PCDH15: variants seen among roughly 807,000 people sequenced by gnomAD.
The protein encoded by PCDH15 is protocadherin related 15.
In PCDH15, 129 loss-of-function variants were observed where a neutral mutation model predicts 178.5. The observed-to-expected ratio is 0.72, with a 90% CI of 0.63 to 0.84. The LOEUF is 0.84. Ranked by LOEUF, PCDH15 falls within the 40% of genes least tolerant of loss-of-function variation. The probability of loss-of-function intolerance (pLI) is 0.00; values close to 1 mark genes in which losing one functional copy is unlikely to be tolerated. For missense variants in PCDH15, 2,230 were observed against 2,099.9 expected (o/e 1.06, Z -1.21); for synonymous variants, 800 against 732.0 (o/e 1.09, Z -1.50).
At chr10:55,169,582 G>C (rs1376355756) in intron 1 of PCDH15, among the ~76,000 whole-genome samples, 18 of 151,982 alleles carry the variant, frequency 1.2e-4, no homozygotes, top group Non-Finnish European at 2.6e-4. Context: ...TTTATAAAAG[G>C]CAGTTTCAGT....
chr10:55,445,428 G>A (rs1839294097), intron 2 of PCDH15, among the ~76,000 whole-genome samples: 1 of 152,056 alleles, frequency 6.6e-6, no homozygotes, highest in African/African-American at 2.4e-5. Flanking sequence ...TCTGACTTCT[G>A]AGACACGGGA....
rs892840690 is a variant in PCDH15 at position 54,589,646 on chromosome 10, T to C, written c.92-61769A>G. 3.3e-5 allele frequency among the ~76,000 whole-genome samples: 5 copies of C among 152,188 alleles called. No homozygotes were observed. The South Asian group carries it at 1.0e-3, about 31-fold the overall frequency. ...AGATTACCAAACAGTGTCTGTCATA[T>C]AGCAACCATTCTTTTTTTATTTTTT... On this transcript the variant is annotated intron_variant, in intron 2 of 37. Coordinates refer to ENST00000644397, the MANE Select transcript of PCDH15 (RefSeq NM_001384140.1).
At position 54,369,194 on chromosome 10, in the gene PCDH15, G is replaced by C. The variant is rs137853003; in HGVS notation, c.400C>G (p.Arg134Gly). The change falls in exon 5 of 38, where the codon CGA becomes GGA. Residue 134 changes from arginine to glycine, a missense_variant. Transcript: ENST00000644397. ...TCATTCCTGTCTCTCACCACTATTC[G>C]CACTTCATGGTAGATAATAGTGCCC... ...KVGTIIYHEV[R>G]IVVRDRNDNS... The C allele has an allele frequency of 6.2e-7, 1 of 1,612,862 alleles. No homozygotes were observed. Among genetic ancestry groups the C allele is most frequent in the South Asian group, 1.1e-5 (1 of 91,050 alleles).
At chr10:55,427,598 T>G (rs1056144171) in intron 2 of PCDH15, among the ~76,000 whole-genome samples, 1 of 152,194 alleles carries the variant, frequency 6.6e-6, no homozygotes, top group African/African-American at 2.4e-5. Flanking sequence ...TTTTGTGTAC[T>G]AGTTTGCACA....
At chr10:54,149,419 G>A (rs776461862) in intron 14 of PCDH15, among the ~76,000 whole-genome samples, 4 of 152,072 alleles carry the variant, frequency 2.6e-5, no homozygotes, top group Non-Finnish European at 5.9e-5. Flanking sequence ...TGAGGCCATT[G>A]AGAAATCTGA....
intron 14 of PCDH15, among the ~76,000 whole-genome samples, chr10:54,141,738 T>C (rs1165627733): frequency 6.6e-6 from 1 of 152,198 alleles, no homozygotes; most frequent in Non-Finnish European, 1.5e-5. Context: ...TCCATTTATC[T>C]CTGATGGGCA....
At chr10:55,293,535 A>C (rs555229264) in intron 1 of PCDH15, among the ~76,000 whole-genome samples, 1 of 152,302 alleles carries the variant, frequency 6.6e-6, no homozygotes, top group African/African-American at 2.4e-5. Flanking sequence ...CTTCCCTTAT[A>C]AAACTGAATG....
chr10:54,986,003 C>T (rs1256489978), intron 2 of PCDH15, among the ~76,000 whole-genome samples: 2 of 152,104 alleles, frequency 1.3e-5, no homozygotes, highest in African/African-American at 4.8e-5. Context: ...GAAGTAGAGG[C>T]CTATTTTTAA....
intron 2 of PCDH15, among the ~76,000 whole-genome samples, chr10:55,434,117 G>C (rs1589023798): frequency 9.9e-6 from 1 of 101,494 alleles, no homozygotes; most frequent in Admixed American, 1.7e-4. Context: ...GTCTCTCTCT[G>C]TCGCCCAGGC....
intron 2 of PCDH15, among the ~76,000 whole-genome samples, chr10:54,642,869 A>G (rs2094023658): frequency 6.6e-6 from 1 of 152,204 alleles, no homozygotes; most frequent in Non-Finnish European, 1.5e-5. Context: ...TTTATTCTTT[A>G]TAAACGTCTG....
intron 21 of PCDH15, among the ~76,000 whole-genome samples, chr10:53,992,197 G>T (rs1241404934): frequency 6.6e-6 from 1 of 152,058 alleles, no homozygotes; most frequent in African/African-American, 2.4e-5. Context: ...TCACTGCAAA[G>T]GTCTGCAGTT....
At chr10:54,996,565 G>C (rs1839649191) in intron 2 of PCDH15, among the ~76,000 whole-genome samples, 1 of 152,092 alleles carries the variant, frequency 6.6e-6, no homozygotes, top group South Asian at 2.1e-4. Flanking sequence ...TTCATGGTTG[G>C]TCTGTATGGG....
intron 8 of PCDH15, among the ~76,000 whole-genome samples, chr10:54,269,073 T>G (rs555985336): frequency 8.5e-5 from 13 of 152,058 alleles, no homozygotes; most frequent in African/African-American, 3.1e-4. Context: ...ATGGCTACAT[T>G]TTCTTAATAT....
chr10:54,822,885 A>G (rs1953070520), intron 3 of PCDH15, among the ~76,000 whole-genome samples: 2 of 151,648 alleles, frequency 1.3e-5, no homozygotes, highest in Admixed American at 1.3e-4. Flanking sequence ...TAATATATTT[A>G]TTTATTTTAT....
chr10:54,669,318 A>C (rs943739600), intron 1 of PCDH15, among the ~76,000 whole-genome samples: 1 of 151,678 alleles, frequency 6.6e-6, no homozygotes, highest in African/African-American at 2.4e-5. Context: ...TCTAGATCAT[A>C]TTATATTTTT....
chr10:54,787,479 G>T (rs1950995709), intron 1 of PCDH15, among the ~76,000 whole-genome samples: 1 of 151,936 alleles, frequency 6.6e-6, no homozygotes, highest in Non-Finnish European at 1.5e-5. Flanking sequence ...TTGATTCAAT[G>T]TGAGAGGCTA....
At chr10:55,519,414 G>A (rs1245902384) in intron 2 of PCDH15, among the ~76,000 whole-genome samples, 6 of 151,952 alleles carry the variant, frequency 3.9e-5, no homozygotes, top group Non-Finnish European at 8.8e-5. Flanking sequence ...AGGTGTGTGG[G>A]GACGGGTGGA....
intron 3 of PCDH15, among the ~76,000 whole-genome samples, chr10:54,489,362 G>A (rs1312230121): frequency 6.6e-6 from 1 of 151,760 alleles, no homozygotes; most frequent in Admixed American, 6.6e-5. Flanking sequence ...TACTATCTTC[G>A]TGATATCTCA....
At chr10:54,517,918 C>T (rs1328262627) in intron 3 of PCDH15, among the ~76,000 whole-genome samples, 16 of 152,240 alleles carry the variant, frequency 1.1e-4, no homozygotes, top group Admixed American at 5.9e-4. Flanking sequence ...CACTCAAAAC[C>T]ACTCGACTAC....
Sources: allele counts gnomAD v4.1 joint callset (sites outside exome capture counted in the v4.1 genomes callset), GRCh38; gene constraint gnomAD v4.1.1; transcripts MANE v1.5; gene names NCBI Gene and HGNC (gene_info 2026-07-23, HGNC 2026-07-21).